MEI4: variants seen among roughly 807,000 people sequenced by gnomAD.
MEI4 encodes meiosis-specific protein MEI4.
MEI4 carries 27 observed loss-of-function variants against 31.4 expected under a neutral mutation model. That is an observed-to-expected ratio of 0.86 (90% CI 0.63 to 1.19). The LOEUF (loss-of-function observed/expected upper bound fraction) is 1.19, where lower values mean the gene tolerates loss of function less well. MEI4 is among the 50% of genes most tolerant of loss of function. The probability of loss-of-function intolerance (pLI) is 0.00; values close to 1 mark genes in which losing one functional copy is unlikely to be tolerated. For missense variants in MEI4, 329 were observed against 398.9 expected (o/e 0.82, Z 1.49); for synonymous variants, 122 against 145.4 (o/e 0.84, Z 1.16).
chr6:77,688,581 A>C (rs1769101148), intron 1 of MEI4, among the ~76,000 whole-genome samples: 1 of 152,152 alleles, frequency 6.6e-6, no homozygotes, highest in Non-Finnish European at 1.5e-5. Context: ...AATTAATTAA[A>C]TATCTCTGCA....
intron 4 of MEI4, among the ~76,000 whole-genome samples, chr6:77,920,733 T>C (rs1053913138): frequency 6.6e-6 from 1 of 151,934 alleles, no homozygotes; most frequent in African/African-American, 2.4e-5. Flanking sequence ...GGCTGCAAAA[T>C]AGATGTGTTT....
intron 4 of MEI4, among the ~76,000 whole-genome samples, chr6:77,867,029 G>C (rs1275252392): frequency 6.6e-6 from 1 of 152,174 alleles, no homozygotes; most frequent in Non-Finnish European, 1.5e-5. Flanking sequence ...TATGTAGAAA[G>C]CTGAAACTGG....
At position 77,680,697 on chromosome 6, in the gene MEI4, C is replaced by G. The variant is rs563662913; in HGVS notation, c.-14-9961C>G. Among the ~76,000 whole-genome samples the G allele has an allele frequency of 3.9e-5, 6 of 152,152 alleles. No homozygotes were observed. The East Asian group carries it at 1.2e-3, about 29-fold the overall frequency. Reference sequence around the variant, plus strand: ...TTATTTTAGGCTAGTGAAAGTAGAGCTCTATTTTGTTTTTAGGCATGCAAA... The same window carrying G: ...TTATTTTAGGCTAGTGAAAGTAGAGGTCTATTTTGTTTTTAGGCATGCAAA... On this transcript the variant is annotated intron_variant, in intron 1 of 4. Coordinates refer to ENST00000684080, the MANE Select transcript of MEI4 (RefSeq NM_001322247.2).
At chr6:77,817,179 G>A (rs1455125112) in intron 3 of MEI4, among the ~76,000 whole-genome samples, 2 of 152,018 alleles carry the variant, frequency 1.3e-5, no homozygotes, top group African/African-American at 4.8e-5. Context: ...AGGTATTAAG[G>A]GCAGAATTTT....
chr6:77,792,325 G>A (rs1446885730), intron 3 of MEI4, among the ~76,000 whole-genome samples: 1 of 152,176 alleles, frequency 6.6e-6, no homozygotes, highest in African/African-American at 2.4e-5. Flanking sequence ...GGTGTGGGAT[G>A]TCTGGATCGT....
intron 2 of MEI4, among the ~76,000 whole-genome samples, chr6:77,692,073 C>T (rs1344262456): frequency 6.6e-6 from 1 of 152,050 alleles, no homozygotes; most frequent in African/African-American, 2.4e-5. Context: ...ATCTCATACA[C>T]TCTCCCCATT....
chr6:77,759,011 C>G (rs1435588045), intron 2 of MEI4, among the ~76,000 whole-genome samples: 1 of 152,168 alleles, frequency 6.6e-6, no homozygotes, highest in African/African-American at 2.4e-5. Flanking sequence ...TGTCTGCCAC[C>G]CTGTCTAATC....
At chr6:77,854,699 A>G (rs1770706315) in intron 4 of MEI4, among the ~76,000 whole-genome samples, 1 of 152,128 alleles carries the variant, frequency 6.6e-6, no homozygotes, top group South Asian at 2.1e-4. Flanking sequence ...GGTAGTAATA[A>G]TAACAGGTGG....
chr6:77,676,082 C>T (rs887252699), intron 1 of MEI4, among the ~76,000 whole-genome samples: 27 of 152,002 alleles, frequency 1.8e-4, no homozygotes, highest in African/African-American at 5.6e-4. Flanking sequence ...TTGGGTGGTC[C>T]GTGTCCAGAT....
chr6:77,800,661 G>A (rs1196173870), intron 3 of MEI4, among the ~76,000 whole-genome samples: 8 of 152,156 alleles, frequency 5.3e-5, no homozygotes, highest in East Asian at 3.9e-4. Flanking sequence ...TTTGAGGTAC[G>A]TCCCATGAAT....
chr6:77,728,396 TC>T (rs201145746), intron 2 of MEI4, among the ~76,000 whole-genome samples: 8,634 of 152,224 alleles, frequency 0.057, 677 homozygotes, highest in African/African-American at 0.17. Flanking sequence ...TATAGTTTTT[TC>T]TTGGGTTATA....
intron 4 of MEI4, among the ~76,000 whole-genome samples, chr6:77,886,933 A>AT (rs1234338322): frequency 5.9e-5 from 9 of 151,530 alleles, no homozygotes; most frequent in Admixed American, 3.9e-4. Flanking sequence ...TATCCTTTGT[A>AT]TTTTTTTAGT....
chr6:77,882,335 C>G (rs905327509), intron 4 of MEI4, among the ~76,000 whole-genome samples: 1 of 152,168 alleles, frequency 6.6e-6, no homozygotes, highest in African/African-American at 2.4e-5. Context: ...ATTGAATCAT[C>G]AAGCACATGA....
rs1766852073 is a variant in MEI4, at chr6:77,926,712, G to A, written c.*3366G>A. On this transcript the variant is annotated 3_prime_UTR_variant, in exon 5 of 5. Transcript: ENST00000684080. ...ATTCATCAAATATGAAGCACCAATT[G>A]TCTACAAACCAATTATTTGCAAAAA... is the stretch of plus-strand genomic sequence containing the variant. The A allele has an allele frequency of 6.6e-6, 1 of 151,728 alleles. No homozygotes were observed. Among genetic ancestry groups the A allele is most frequent in the Non-Finnish European group, 1.5e-5 (1 of 67,918 alleles). 9.4% of individuals were successfully genotyped at this position (151,728 alleles called of 1,614,324 possible).
chr6:77,872,674 C>T lies in MEI4; in HGVS notation c.900+43612C>T, dbSNP rs544476155. On this transcript the variant is annotated intron_variant, in intron 4 of 4. Coordinates refer to ENST00000684080, the MANE Select transcript of MEI4 (RefSeq NM_001322247.2). The stretch of plus-strand genomic sequence containing the variant: ...ATACATCTGCCATGCTGGTGTGCTG[C>T]ACCCATTAACTCGTCATTTAGCATT... Among the ~76,000 whole-genome samples, 17 of 149,658 alleles carry T rather than the reference C, an allele frequency of 1.1e-4. No homozygotes were observed. In the East Asian group the frequency reaches 2.8e-3, roughly 24 times the overall value.
intron 3 of MEI4, among the ~76,000 whole-genome samples, chr6:77,804,172 C>T (rs550097678): frequency 2.6e-5 from 4 of 152,266 alleles, no homozygotes; most frequent in South Asian, 2.1e-4. Context: ...TCAGCAATGG[C>T]GGACGCCCCT....
At chr6:77,764,832 GAAACT>G (rs1768128251) in intron 3 of MEI4, among the ~76,000 whole-genome samples, 1 of 152,048 alleles carries the variant, frequency 6.6e-6, no homozygotes, top group African/African-American at 2.4e-5. Flanking sequence ...CAAGTATGTA[GAAACT>G]AAACAATACA....
rs905118814 is a variant in MEI4, at chr6:77,844,936, A to G, written c.900+15874A>G. ...TAAACTAGTTGTGAACTGCATTCTC[A>G]GCTTGTGTGAGGGGTGTAGGGTAAT... On this transcript the variant is annotated intron_variant, in intron 4 of 4. Coordinates refer to ENST00000684080, the MANE Select transcript of MEI4 (RefSeq NM_001322247.2). 5.9e-5 allele frequency among the ~76,000 whole-genome samples: 9 copies of G among 152,264 alleles called. No individual in the cohort carries two copies. The East Asian group carries it at 1.5e-3, about 26-fold the overall frequency.
At chr6:77,732,766 G>C (rs1767047693) in intron 2 of MEI4, among the ~76,000 whole-genome samples, 1 of 151,966 alleles carries the variant, frequency 6.6e-6, no homozygotes, top group African/African-American at 2.4e-5. Flanking sequence ...CTGTGGGTTT[G>C]CCATAGATAG....
Sources: gnomAD v4.1 joint callset for allele counts (sites outside exome capture counted in the v4.1 genomes callset) on GRCh38, gnomAD v4.1.1 for gene constraint, MANE v1.5 for transcripts, NCBI Gene and HGNC (gene_info 2026-07-23, HGNC 2026-07-21) for gene names.